Variants in KIAA1328 observed in about 807,000 individuals in gnomAD.
KIAA1328 encodes the protein protein hinderin.
KIAA1328 carries 52 observed loss-of-function variants against 68.1 expected under a neutral mutation model. That is an observed-to-expected ratio of 0.76 (90% CI 0.61 to 0.96). The LOEUF is 0.96. KIAA1328 is among the 40% of genes least tolerant of loss of function. KIAA1328 has a pLI of 0.00. For synonymous variants in KIAA1328, 232 were observed against 239.4 expected (o/e 0.97, Z 0.28); for missense variants, 641 against 677.6 (o/e 0.95, Z 0.60).
rs764883405 is a variant in KIAA1328, at chr18:36,829,210, G to T, written c.58+14G>T. 2.0e-6 allele frequency: 3 copies of T among 1,512,018 alleles called. No homozygotes were observed. The highest frequency in any genetic ancestry group is 1.2e-5 in the South Asian group (1 of 80,572). 93.7% of individuals were successfully genotyped at this position (1,512,018 alleles called of 1,614,324 possible). A position where few individuals can be genotyped will look rare whatever the true frequency, so the allele number is the denominator to read the frequency against. The stretch of plus-strand genomic sequence containing the variant: ...GGAGCCGGGACTGTATCCTTTGCCC[G>T]CCTGACAGGGGGCGCCGGCGCCCTC... On this transcript the variant is annotated intron_variant, in intron 1 of 9. Coordinates refer to ENST00000280020, the MANE Select transcript of KIAA1328 (RefSeq NM_020776.3).
At chr18:36,862,109 T>G (rs1017440456) in intron 4 of KIAA1328, among the ~76,000 whole-genome samples, 1 of 138,070 alleles carries the variant, frequency 7.2e-6, no homozygotes, top group African/African-American at 3.1e-5. Flanking sequence ...AGAAAGCCCA[T>G]GTACCTTTTA....
At chr18:37,011,135 TGCTATTATA>T (rs1261036501) in intron 6 of KIAA1328, among the ~76,000 whole-genome samples, 1 of 152,120 alleles carries the variant, frequency 6.6e-6, no homozygotes, top group Non-Finnish European at 1.5e-5. Context: ...TCTTTTCCCT[TGCTATTATA>T]GGAAACCGTA....
intron 6 of KIAA1328, among the ~76,000 whole-genome samples, chr18:36,965,898 G>A (rs1421801790): frequency 2.0e-5 from 3 of 150,618 alleles, no homozygotes; most frequent in East Asian, 1.9e-4. Flanking sequence ...CAGAGGCATC[G>A]TCATACTTCT....
At chr18:36,901,283 A>T (rs1383653836) in intron 5 of KIAA1328, among the ~76,000 whole-genome samples, 1 of 152,026 alleles carries the variant, frequency 6.6e-6, no homozygotes, top group Non-Finnish European at 1.5e-5. Flanking sequence ...GTTTACATTT[A>T]AAAAATGTGT....
chr18:36,883,969 T>TATATATATATATATATATATATAC (rs1032694969), intron 4 of KIAA1328, among the ~76,000 whole-genome samples: 27 of 148,798 alleles, frequency 1.8e-4, no homozygotes, highest in African/African-American at 5.9e-4. Flanking sequence ...TATATATATA[T>TATATATATATATATATATATATAC]ACACACACAG....
At chr18:37,067,622 A>T in intron 7 of KIAA1328, 77 bp downstream of exon 7, 1 of 1,383,318 alleles carries the variant, frequency 7.2e-7, no homozygotes, top group South Asian at 1.6e-5. Flanking sequence ...GTGTAGTGGC[A>T]CAATCTCAGC....
chr18:37,159,159 A>G (rs1289498350), intron 7 of KIAA1328, among the ~76,000 whole-genome samples: 1 of 152,138 alleles, frequency 6.6e-6, no homozygotes, highest in Non-Finnish European at 1.5e-5. Flanking sequence ...AAAGCCATTT[A>G]CTTTCTTGGT....
intron 6 of KIAA1328, among the ~76,000 whole-genome samples, chr18:37,014,965 C>T (rs777476014): frequency 8.5e-5 from 13 of 152,142 alleles, no homozygotes; most frequent in Admixed American, 2.6e-4. Flanking sequence ...TGCAGTGGCA[C>T]GATCTCGGCT....
rs539544116 is a variant in KIAA1328 at position 37,168,254 on chromosome 18, C to T, written c.1415-4719C>T. The stretch of plus-strand genomic sequence containing the variant: ...GACAAGGAGAGGTATTGGAAGAATA[C>T]ACATGAAAAGTTGTTATAGGACAGA... On this transcript the variant is annotated intron_variant, in intron 8 of 9. Coordinates refer to ENST00000280020, the MANE Select transcript of KIAA1328 (RefSeq NM_020776.3). 1.4e-4 allele frequency among the ~76,000 whole-genome samples: 21 copies of T among 152,324 alleles called. No individual in the cohort carries two copies. The South Asian group carries it at 4.1e-3, about 30-fold the overall frequency.
At chr18:37,000,899 A>G (rs2053565092) in intron 6 of KIAA1328, among the ~76,000 whole-genome samples, 1 of 152,116 alleles carries the variant, frequency 6.6e-6, no homozygotes, top group South Asian at 2.1e-4. Flanking sequence ...AGCAGCACCA[A>G]GAGGGAATTT....
intron 9 of KIAA1328, among the ~76,000 whole-genome samples, chr18:37,184,871 A>G (rs1338331234): frequency 6.6e-6 from 1 of 152,156 alleles, no homozygotes; most frequent in African/African-American, 2.4e-5. Flanking sequence ...CCCATTAAAA[A>G]TGTTTGGGTT....
At chr18:37,078,020 A>G (rs1044836359) in intron 7 of KIAA1328, among the ~76,000 whole-genome samples, 1 of 152,248 alleles carries the variant, frequency 6.6e-6, no homozygotes, top group African/African-American at 2.4e-5. Flanking sequence ...CACATTGCCA[A>G]GTCAGTCCTA....
Position 36,993,899 on chromosome 18 carries a change from C to A in KIAA1328, c.576+34464C>A, listed in dbSNP as rs1029278058. ...GGTGTTTTATTTTCTATGTTATTTC[C>A]TTCCGTAACTGTTTATATTTCTAGT... is the stretch of plus-strand genomic sequence containing the variant. On this transcript the variant is annotated intron_variant, in intron 6 of 9. Transcript: ENST00000280020. Among the ~76,000 whole-genome samples the A allele has an allele frequency of 1.3e-5, 2 of 150,624 alleles. 1 individual carries two copies. Among genetic ancestry groups the A allele is most frequent in the South Asian group, 4.2e-4 (2 of 4,796 alleles).
chr18:36,872,534 A>G (rs915501137), intron 4 of KIAA1328, among the ~76,000 whole-genome samples: 2 of 152,192 alleles, frequency 1.3e-5, no homozygotes, highest in Admixed American at 1.3e-4. Flanking sequence ...GTGGGTAACT[A>G]TGGCAACAAT....
At chr18:36,996,481 A>T (rs1419416683) in intron 6 of KIAA1328, among the ~76,000 whole-genome samples, 3 of 152,200 alleles carry the variant, frequency 2.0e-5, no homozygotes, top group Non-Finnish European at 4.4e-5. Context: ...TGAGTCTGTT[A>T]AAAGGGCTCT....
intron 9 of KIAA1328, among the ~76,000 whole-genome samples, chr18:37,215,855 C>G (rs557994344): frequency 6.6e-6 from 1 of 152,264 alleles, no homozygotes; most frequent in South Asian, 2.1e-4. Context: ...AGGGATTCAA[C>G]TTCTTCCTGG....
At chr18:37,204,073 G>A (rs1416912243) in intron 9 of KIAA1328, among the ~76,000 whole-genome samples, 1 of 152,186 alleles carries the variant, frequency 6.6e-6, no homozygotes, top group East Asian at 1.9e-4. Context: ...GCCTCCCAAA[G>A]TGCTGGGATT....
chr18:36,863,011 TTTG>T (rs1175498461), intron 4 of KIAA1328, among the ~76,000 whole-genome samples: 1 of 152,150 alleles, frequency 6.6e-6, no homozygotes, highest in South Asian at 2.1e-4. Flanking sequence ...TTGCAATTTT[TTTG>T]TTGTTGTAAC....
chr18:37,071,045 AT>A (rs11330255), intron 7 of KIAA1328, among the ~76,000 whole-genome samples: 11,714 of 52,870 alleles, frequency 0.22, 2,161 homozygotes, highest in African/African-American at 0.48. Flanking sequence ...TTTGTTTTTG[AT>A]TTTTTTCTTC....
Sources: gnomAD v4.1 joint callset for allele counts (sites outside exome capture counted in the v4.1 genomes callset) on GRCh38, gnomAD v4.1.1 for gene constraint, MANE v1.5 for transcripts, NCBI Gene and HGNC (gene_info 2026-07-23, HGNC 2026-07-21) for gene names.